TRIM69: variants seen among roughly 807,000 people sequenced by gnomAD.
The protein encoded by TRIM69 is tripartite motif containing 69, also known as E3 ubiquitin-protein ligase TRIM69.
Under a neutral mutation model 37.7 loss-of-function variants are expected in TRIM69, and 29 were observed. The observed-to-expected ratio is 0.77, with a 90% confidence interval of 0.57 to 1.05. The LOEUF (loss-of-function observed/expected upper bound fraction) is 1.05, where lower values mean the gene tolerates loss of function less well. TRIM69 is among the 50% of genes least tolerant of loss of function. TRIM69 has a pLI of 0.00. For synonymous variants in TRIM69, 209 were observed against 212.4 expected, an observed-to-expected ratio of 0.98 and a Z score of 0.14; for missense variants, 596 against 579.9, an observed-to-expected ratio of 1.03 and a Z score of -0.28.
At chr15:44,767,013 C>G (rs1334377903) in intron 6 of TRIM69, among the ~76,000 whole-genome samples, 1 of 124,994 alleles carries the variant, frequency 8.0e-6, no homozygotes, top group Admixed American at 9.9e-5. Context: ...GAGCCGAGAT[C>G]GCACCACTGC....
chr15:44,741,278 G>A (rs2087278875), intron 1 of TRIM69, among the ~76,000 whole-genome samples: 1 of 152,074 alleles, frequency 6.6e-6, no homozygotes, highest in Non-Finnish European at 1.5e-5. Flanking sequence ...TGAGAACAAA[G>A]ACACAACATA....
Position 44,755,356 on chromosome 15 carries a change from G to A in TRIM69, c.463G>A (p.Asp155Asn), listed in dbSNP as rs1173101589. The A allele has an allele frequency of 6.2e-7, 1 of 1,613,194 alleles. No homozygotes were observed. The change falls in exon 2 of 7, where the codon GAT becomes AAT. Residue 155 changes from aspartate (D) to asparagine (N), a missense_variant. Asp to Asn is a conservative substitution (Grantham distance 23). Coordinates refer to ENST00000329464, the MANE Select transcript of TRIM69 (RefSeq NM_182985.5). ...GTCTAAGGAGTTCCTGCAAATCTCTGATGCTGTCCATTTCTTCACGGTGGG... is the reference window on the plus strand; with the variant it reads ...GTCTAAGGAGTTCCTGCAAATCTCTAATGCTGTCCATTTCTTCACGGTGGG... Reference protein sequence around the residue: ...GQSKEFLQISDAVHFFTEELA... With the variant: ...GQSKEFLQISNAVHFFTEELA...
chr15:44,757,586 A>T (rs2087677951), intron 3 of TRIM69: 1 of 152,256 alleles, frequency 6.6e-6, no homozygotes, highest in South Asian at 2.1e-4. Flanking sequence ...ATAAAGCTGG[A>T]ACATGCTAAG....
Position 44,742,762 on chromosome 15 carries a change from G to A in TRIM69, c.6+6052G>A, listed in dbSNP as rs1176266148. Among the ~76,000 whole-genome samples, 18 of 147,160 alleles carry A rather than the reference G, an allele frequency of 1.2e-4. No homozygotes were observed. The East Asian group carries it at 2.8e-3, about 23-fold the overall frequency. Reference sequence around the variant, plus strand: ...CCTAGGAATCCAACTTACAAGGGACGTGAATGACCTCTTCAAGGAGAACTA... The same window carrying A: ...CCTAGGAATCCAACTTACAAGGGACATGAATGACCTCTTCAAGGAGAACTA... On this transcript the variant is annotated intron_variant, in intron 1 of 6. Transcript: ENST00000329464.
rs869059418 is a variant in TRIM69 at position 44,750,715 on chromosome 15, C to CTTTTTTTTTTT, written c.7-4168_7-4158dup. ...TCGCATTTTTATTTCATTACTTTTTCTTTTTTTTTTTTTTTTTTTTTTTTT... is the reference window on the plus strand; with the variant it reads ...TCGCATTTTTATTTCATTACTTTTTCTTTTTTTTTTTTTTTTTTTTTTTTTTTTTTTTTTTT... On this transcript the variant is annotated intron_variant, in intron 1 of 6. Transcript: ENST00000329464. Among the ~76,000 whole-genome samples the CTTTTTTTTTTT allele has an allele frequency of 3.2e-4, 33 of 102,838 alleles. 4 individuals are homozygous for CTTTTTTTTTTT. The highest frequency in any genetic ancestry group is 7.3e-4 in the African/African-American group (19 of 25,902). 67.5% of individuals were successfully genotyped at this position (102,838 alleles called of 152,430 possible). A position where few individuals can be genotyped will look rare whatever the true frequency, so the allele number is the denominator to read the frequency against.
At chr15:44,759,918 G>A (rs376024289) in intron 6 of TRIM69, 46 bp downstream of exon 6, 57 of 1,580,002 alleles carry the variant, frequency 3.6e-5, no homozygotes, top group African/African-American at 9.5e-5. Flanking sequence ...CCTAATCTAC[G>A]TTTAATCTGT....
rs373791279 is a variant in TRIM69, at chr15:44,766,652, A to G, written c.962-579A>G. 3.9e-5 allele frequency among the ~76,000 whole-genome samples: 6 copies of G among 152,168 alleles called. No individual in the cohort carries two copies. The East Asian group carries it at 7.7e-4, about 19-fold the overall frequency. ...ATATTTATTAGTATAGGTTTATATTATTTGTATTGTTTCCTTTAGTAGAGC... is the reference window on the plus strand; with the variant it reads ...ATATTTATTAGTATAGGTTTATATTGTTTGTATTGTTTCCTTTAGTAGAGC... On this transcript the variant is annotated intron_variant, in intron 6 of 6. Transcript: ENST00000329464.
chr15:44,739,875 C>T (rs1423372065), intron 1 of TRIM69, among the ~76,000 whole-genome samples: 8 of 151,556 alleles, frequency 5.3e-5, no homozygotes, highest in African/African-American at 1.5e-4. Context: ...TTGAAGAGAG[C>T]AGTGGTTCTC....
intron 1 of TRIM69, among the ~76,000 whole-genome samples, chr15:44,743,388 C>T (rs2087334825): frequency 6.6e-6 from 1 of 152,184 alleles, no homozygotes; most frequent in South Asian, 2.1e-4. Context: ...CATTACCATT[C>T]AGGACATAGG....
At chr15:44,745,069 TAAAA>T (rs35438847) in intron 1 of TRIM69, among the ~76,000 whole-genome samples, 1 of 138,096 alleles carries the variant, frequency 7.2e-6, no homozygotes. Flanking sequence ...GAGTGCATAC[TAAAA>T]AAAAAAAAAA....
Position 44,758,698 on chromosome 15 carries a change from G to T in TRIM69, c.657G>T (p.Lys219Asn), listed in dbSNP as rs771412109. ...ATCAGTTCCTGCACAGCAAAGAAAA[G>T]GACATTTTAACTGAGCTCCGGGAAG... ...KLHQFLHSKEKDILTELREEG... is the reference protein window; with the variant it reads ...KLHQFLHSKENDILTELREEG... Residue 219 changes from lysine (K) to asparagine (N), a missense_variant, in exon 4 of 7, where the codon AAG becomes AAT. Coordinates refer to ENST00000329464, the MANE Select transcript of TRIM69 (RefSeq NM_182985.5). 4 of 1,614,158 alleles carry T rather than the reference G, an allele frequency of 2.5e-6. No homozygotes were observed. The highest frequency in any genetic ancestry group is 3.4e-6 in the Non-Finnish European group (4 of 1,180,016).
intron 1 of TRIM69, among the ~76,000 whole-genome samples, chr15:44,741,437 G>T (rs2141308289): frequency 6.6e-6 from 1 of 152,236 alleles, no homozygotes; most frequent in South Asian, 2.1e-4. Context: ...ACATTCAAAA[G>T]CTAGCAGAAG....
At position 44,758,871 on chromosome 15, in the gene TRIM69, A is replaced by G; in HGVS notation, c.813+17A>G. ...TTTCTCAAAGTGAGAATCCACACCAATATGATTATGGGTACCTTCCTACCT... is the reference window on the plus strand; with the variant it reads ...TTTCTCAAAGTGAGAATCCACACCAGTATGATTATGGGTACCTTCCTACCT... On this transcript the variant is annotated intron_variant, in intron 4 of 6. Transcript: ENST00000329464. 4.4e-6 allele frequency: 7 copies of G among 1,603,028 alleles called. No homozygotes were observed. Among genetic ancestry groups the G allele is most frequent in the Non-Finnish European group, 5.1e-6 (6 of 1,174,366 alleles).
chr15:44,742,040 T>G (rs2087299421), intron 1 of TRIM69, among the ~76,000 whole-genome samples: 1 of 152,072 alleles, frequency 6.6e-6, no homozygotes, highest in South Asian at 2.1e-4. Context: ...ACCAATATCC[T>G]TGATGAACAT....
intron 6 of TRIM69, among the ~76,000 whole-genome samples, chr15:44,762,290 C>T (rs1255213255): frequency 6.6e-6 from 1 of 152,038 alleles, no homozygotes; most frequent in Non-Finnish European, 1.5e-5. Flanking sequence ...TTAGGACTTG[C>T]TTTTTGTCAC....
intron 1 of TRIM69, among the ~76,000 whole-genome samples, chr15:44,739,274 C>G (rs993192018): frequency 1.3e-5 from 2 of 152,198 alleles, no homozygotes; most frequent in Non-Finnish European, 1.5e-5. Context: ...AGGAACAGCT[C>G]TGGTCTACAG....
chr15:44,740,267 C>T lies in TRIM69; in HGVS notation c.6+3557C>T, dbSNP rs550025863. Among the ~76,000 whole-genome samples, 111 of 152,208 alleles carry T rather than the reference C, an allele frequency of 7.3e-4. 1 individual carries two copies. Among genetic ancestry groups the T allele is most frequent in the African/African-American group, 2.3e-3 (96 of 41,522 alleles). On this transcript the variant is annotated intron_variant, in intron 1 of 6. Coordinates refer to ENST00000329464, the MANE Select transcript of TRIM69 (RefSeq NM_182985.5). ...GTCAAAGACCAAAAGTAGATAAAAC[C>T]GCAAAGATGGGGAAAAAACAGAGCA...
Position 44,736,586 on chromosome 15 carries a change from A to C in TRIM69, c.-119A>C. On this transcript the variant is annotated 5_prime_UTR_variant, in exon 1 of 7. An upstream start codon of the reference 5' UTR is lost. Transcript: ENST00000329464. The stretch of plus-strand genomic sequence containing the variant: ...CTCCTGAACTTTTCTTTCTTCCATC[A>C]TGCTCTGAGCCCATTCCTTGAAAAC... 8.2e-7 allele frequency: 1 copy of C among 1,220,206 alleles called. No homozygotes were observed. Among genetic ancestry groups the C allele is most frequent in the African/African-American group, 1.6e-5 (1 of 63,874 alleles). The allele number at this position is 1,220,206 out of a possible 1,614,324, so 75.6% of individuals were successfully genotyped here. A position where few individuals can be genotyped will look rare whatever the true frequency, so the allele number is the denominator to read the frequency against.
intron 6 of TRIM69, among the ~76,000 whole-genome samples, chr15:44,764,610 C>A (rs1282379260): frequency 5.3e-5 from 8 of 152,170 alleles, no homozygotes; most frequent in African/African-American, 1.9e-4. Flanking sequence ...AAGCTACAGA[C>A]AACATATAAA....
Sources: allele counts gnomAD v4.1 joint callset (sites outside exome capture counted in the v4.1 genomes callset), GRCh38; gene constraint gnomAD v4.1.1; transcripts MANE v1.5; gene names NCBI Gene and HGNC (gene_info 2026-07-23, HGNC 2026-07-21).